The following PCDH7 variants were observed in gnomAD, a reference collection of about 807,000 sequenced individuals.
The protein encoded by PCDH7 is protocadherin-7.
In PCDH7, 17 loss-of-function variants were observed where a neutral mutation model predicts 58.9. The ratio of observed to expected loss-of-function variants is 0.29; its 90% CI spans 0.20 to 0.43. The LOEUF (loss-of-function observed/expected upper bound fraction) is 0.43. PCDH7 is among the 20% of genes least tolerant of loss of function. The pLI is 1.00. For missense variants in PCDH7, 1,274 were observed against 1,441.0 expected (o/e 0.88, Z 1.88); for synonymous variants, 664 against 616.4 (o/e 1.08, Z -1.14).
intron 1 of PCDH7, among the ~76,000 whole-genome samples, chr4:30,785,957 T>C (rs1485518988): frequency 6.6e-6 from 1 of 152,106 alleles, no homozygotes; most frequent in African/African-American, 2.4e-5. Context: ...GTGTACTTTC[T>C]GGCACCGAAA....
chr4:30,799,131 C>T (rs1725183885), intron 1 of PCDH7, among the ~76,000 whole-genome samples: 1 of 152,114 alleles, frequency 6.6e-6, no homozygotes, highest in South Asian at 2.1e-4. Flanking sequence ...TCTTTTTTCA[C>T]CTTTAATTCT....
intron 3 of PCDH7, among the ~76,000 whole-genome samples, chr4:30,980,478 G>A (rs1750455902): frequency 6.6e-6 from 1 of 152,064 alleles, no homozygotes; most frequent in African/African-American, 2.4e-5. Context: ...TTTAGTCTAG[G>A]CAATGGATAC....
chr4:31,101,402 G>A (rs1242299611), intron 3 of PCDH7, among the ~76,000 whole-genome samples: 1 of 152,100 alleles, frequency 6.6e-6, no homozygotes, highest in Middle Eastern at 3.2e-3. Context: ...ATACCTGTAA[G>A]TATAATTCAG....
intron 1 of PCDH7, among the ~76,000 whole-genome samples, chr4:30,797,698 T>C (rs188958305): frequency 6.6e-6 from 1 of 152,126 alleles, no homozygotes; most frequent in East Asian, 1.9e-4. Context: ...CCTATCCTTC[T>C]TTCCCAGTTC....
At chr4:30,964,784 A>T (rs2109464855) in intron 3 of PCDH7, among the ~76,000 whole-genome samples, 1 of 152,280 alleles carries the variant, frequency 6.6e-6, no homozygotes, top group African/African-American at 2.4e-5. Flanking sequence ...TGTACAAACT[A>T]AAAAGTCCTT....
intron 2 of PCDH7, among the ~76,000 whole-genome samples, chr4:30,939,700 G>A (rs903658857): frequency 6.6e-6 from 1 of 151,980 alleles, no homozygotes; most frequent in Non-Finnish European, 1.5e-5. Context: ...TACGCACATT[G>A]GAGAATATTC....
intron 1 of PCDH7, among the ~76,000 whole-genome samples, chr4:30,889,128 C>T (rs1261940923): frequency 4.7e-5 from 4 of 84,570 alleles, no homozygotes; most frequent in Non-Finnish European, 9.5e-5. Context: ...TTGTGGTGAG[C>T]AGATATCTCA....
Position 31,141,821 on chromosome 4 carries a change from G to T in PCDH7, c.*8-652G>T, listed in dbSNP as rs542683610. On this transcript the variant is annotated intron_variant, in intron 3 of 3. Coordinates refer to the PCDH7 transcript ENST00000509759. ...ATTAGGTCATTTGGCATGGTAGGAG[G>T]GGGGTGAGGGGATGTGGGCTAGGGT... Among the ~76,000 whole-genome samples, 4 of 152,098 alleles carry T rather than the reference G, an allele frequency of 2.6e-5. No homozygotes were observed. The East Asian group carries it at 7.7e-4, about 29-fold the overall frequency.
chr4:31,090,090 G>T (rs757383652), intron 3 of PCDH7, among the ~76,000 whole-genome samples: 9 of 152,010 alleles, frequency 5.9e-5, no homozygotes, highest in Non-Finnish European at 1.3e-4. Flanking sequence ...CAAATGCCAA[G>T]TCAGCAGGCT....
intron 3 of PCDH7, among the ~76,000 whole-genome samples, chr4:30,969,611 A>G (rs1207769640): frequency 6.6e-6 from 1 of 152,180 alleles, no homozygotes; most frequent in African/African-American, 2.4e-5. Flanking sequence ...CAGAGATCTA[A>G]GAATGCTTGG....
intron 3 of PCDH7, among the ~76,000 whole-genome samples, chr4:31,007,172 G>A (rs1047029400): frequency 3.8e-4 from 58 of 152,126 alleles, no homozygotes; most frequent in Non-Finnish European, 2.9e-5. Flanking sequence ...TGTCTGGCTT[G>A]GAGAATTATT....
intron 3 of PCDH7, among the ~76,000 whole-genome samples, chr4:31,067,036 C>T (rs1758147136): frequency 6.6e-6 from 1 of 151,898 alleles, no homozygotes. Flanking sequence ...GAATAGGAGG[C>T]CTGGGCTTTA....
chr4:31,089,045 T>A (rs1009006265), intron 3 of PCDH7, among the ~76,000 whole-genome samples: 2 of 152,046 alleles, frequency 1.3e-5, no homozygotes, highest in African/African-American at 4.8e-5. Flanking sequence ...GCATGCTATC[T>A]TCTAATTCTG....
intron 1 of PCDH7, among the ~76,000 whole-genome samples, chr4:30,729,794 A>T (rs1257349426): frequency 6.6e-6 from 1 of 152,036 alleles, no homozygotes; most frequent in East Asian, 1.9e-4. Context: ...GTCATGCACG[A>T]ATGTTTTCTC....
downstream of PCDH7, chr4:31,143,048 G>T: frequency 3.7e-6 from 1 of 272,422 alleles, no homozygotes; most frequent in Non-Finnish European, 7.0e-6. Flanking sequence ...AACCATCCTT[G>T]TTACTTGCAT....
chr4:30,929,217 A>G (rs1465050026), intron 2 of PCDH7, among the ~76,000 whole-genome samples: 1 of 152,200 alleles, frequency 6.6e-6, no homozygotes, highest in East Asian at 1.9e-4. Flanking sequence ...GGATTACATT[A>G]TATTTATTTT....
intron 1 of PCDH7, among the ~76,000 whole-genome samples, chr4:30,761,337 T>C (rs182712011): frequency 1.3e-5 from 2 of 152,292 alleles, no homozygotes; most frequent in East Asian, 1.9e-4. Context: ...TACTCTAGAG[T>C]AGCAGTGTCC....
Position 31,040,732 on chromosome 4 carries a change from G to A in PCDH7, c.*7+90517G>A, listed in dbSNP as rs1041874908. ...AAATTCAGTGATGTCCTAAAAATACGAACAATTTGAGTTAAAAAAAAGACT... is the reference window on the plus strand; with the variant it reads ...AAATTCAGTGATGTCCTAAAAATACAAACAATTTGAGTTAAAAAAAAGACT... On this transcript the variant is annotated intron_variant, in intron 3 of 3. Coordinates refer to the PCDH7 transcript ENST00000509759. Among the ~76,000 whole-genome samples, 4 of 151,656 alleles carry A rather than the reference G, an allele frequency of 2.6e-5. No individual in the cohort carries two copies. The South Asian group carries it at 6.2e-4, about 24-fold the overall frequency.
At chr4:30,805,443 G>A (rs1442719987) in intron 1 of PCDH7, among the ~76,000 whole-genome samples, 1 of 152,032 alleles carries the variant, frequency 6.6e-6, no homozygotes, top group Non-Finnish European at 1.5e-5. Context: ...GGGGTTTTGG[G>A]GAGGATTAAG....
Sources: allele counts gnomAD v4.1 joint callset (sites outside exome capture counted in the v4.1 genomes callset), GRCh38; gene constraint gnomAD v4.1.1; transcripts MANE v1.5; gene names NCBI Gene and HGNC (gene_info 2026-07-23, HGNC 2026-07-21).